ITGB8: variants seen among roughly 807,000 people sequenced by gnomAD.
ITGB8 encodes the protein integrin beta-8.
Under a neutral mutation model 89.5 loss-of-function variants are expected in ITGB8, and 30 were observed. The observed-to-expected ratio is 0.34, with a 90% CI of 0.25 to 0.45. The LOEUF is 0.45. ITGB8 is among the 20% of genes least tolerant of loss of function. ITGB8 has a pLI of 1.00. For synonymous variants in ITGB8, 335 were observed against 320.4 expected (o/e 1.05, Z -0.49); for missense variants, 836 against 933.3 (o/e 0.90, Z 1.36).
chr7:20,376,114 G>C lies in ITGB8; in HGVS notation c.389-2937G>C, dbSNP rs373472343. ...GCTCTGTTTAAAACCAATGGATATTGCCATTAAGCACGTGATGAAACTGAG... is the reference window on the plus strand; with the variant it reads ...GCTCTGTTTAAAACCAATGGATATTCCCATTAAGCACGTGATGAAACTGAG... On this transcript the variant is annotated intron_variant, in intron 3 of 13. Transcript: ENST00000222573. Among the ~76,000 whole-genome samples the C allele has an allele frequency of 6.8e-4, 104 of 152,124 alleles. 1 individual carries two copies. Among genetic ancestry groups the C allele is most frequent in the African/African-American group, 2.5e-3 (102 of 41,476 alleles).
At chr7:20,335,996 TTTTC>T (rs1473958316) in intron 1 of ITGB8, among the ~76,000 whole-genome samples, 15 of 97,332 alleles carry the variant, frequency 1.5e-4, no homozygotes, top group African/African-American at 5.3e-4. Flanking sequence ...CCAGTCTTGG[TTTTC>T]TTTTTTTTTT....
chr7:20,370,600 T>TTATTATTATTATTATTA (rs59368586), intron 3 of ITGB8, among the ~76,000 whole-genome samples: 2 of 144,406 alleles, frequency 1.4e-5, no homozygotes, highest in African/African-American at 5.1e-5. Flanking sequence ...TATTTACTTA[T>TTATTATTATTATTATTA]TTATTATTAT....
At chr7:20,361,223 T>G (rs1172744490) in intron 1 of ITGB8, among the ~76,000 whole-genome samples, 1 of 152,200 alleles carries the variant, frequency 6.6e-6, no homozygotes, top group East Asian at 1.9e-4. Context: ...AACACAAAAG[T>G]CTTACCTGTT....
At chr7:20,358,902 C>G (rs1177390949) in intron 1 of ITGB8, among the ~76,000 whole-genome samples, 1 of 152,154 alleles carries the variant, frequency 6.6e-6, no homozygotes, top group Non-Finnish European at 1.5e-5. Context: ...CTACTATTCC[C>G]ATGTTTATGT....
In ITGB8 at chr7:20,410,052, A is replaced by C. The variant is rs1787706299; in HGVS notation, c.*55A>C. 1 of 1,551,492 alleles carries C rather than the reference A, an allele frequency of 6.4e-7. No individual in the cohort carries two copies. Among genetic ancestry groups the C allele is most frequent in the Non-Finnish European group, 8.8e-7 (1 of 1,141,722 alleles). ...CTGGAATTGTTAATAATTGCTCCTA[A>C]AGATTATAATTTTAAAAGTCACAGG... is the stretch of plus-strand genomic sequence containing the variant. On this transcript the variant is annotated 3_prime_UTR_variant, in exon 14 of 14. Transcript: ENST00000222573.
At chr7:20,358,758 G>T (rs1785389732) in intron 1 of ITGB8, among the ~76,000 whole-genome samples, 1 of 152,232 alleles carries the variant, frequency 6.6e-6, no homozygotes, top group Non-Finnish European at 1.5e-5. Context: ...GTGCAGGTTT[G>T]TTACCTGGTA....
At chr7:20,370,270 A>C (rs1308711476) in intron 3 of ITGB8, among the ~76,000 whole-genome samples, 4 of 151,458 alleles carry the variant, frequency 2.6e-5, no homozygotes, top group African/African-American at 4.9e-5. Flanking sequence ...TTATAGAAAA[A>C]AATTCAGAAA....
intron 3 of ITGB8, among the ~76,000 whole-genome samples, chr7:20,376,102 C>T (rs1480927697): frequency 6.6e-6 from 1 of 152,140 alleles, no homozygotes; most frequent in Non-Finnish European, 1.5e-5. Context: ...CTGTTTAAAA[C>T]CAATGGATAT....
At chr7:20,404,439 G>C (rs1336871442) in intron 10 of ITGB8, among the ~76,000 whole-genome samples, 189 bp from the exon 11 acceptor site, 2 of 152,220 alleles carry the variant, frequency 1.3e-5, no homozygotes, top group Non-Finnish European at 2.9e-5. Flanking sequence ...ATCTACAGTA[G>C]AACAGCTTTG....
At position 20,412,584 on chromosome 7, in the gene ITGB8, T is replaced by C. The variant is rs942559694; in HGVS notation, c.*2587T>C. On this transcript the variant is annotated 3_prime_UTR_variant, in exon 14 of 14. Transcript: ENST00000222573. The stretch of plus-strand genomic sequence containing the variant: ...TCACTTGTTTGCACTAACTTTATAG[T>C]GGACCAAGGCTGTTACCATAGGAAG... The C allele has an allele frequency of 2.0e-5, 3 of 152,648 alleles. No homozygotes were observed. Among genetic ancestry groups the C allele is most frequent in the Admixed American group, 6.5e-5 (1 of 15,288 alleles). 9.5% of individuals were successfully genotyped at this position (152,648 alleles called of 1,614,324 possible).
chr7:20,390,019 G>C (rs1381566473), intron 6 of ITGB8, among the ~76,000 whole-genome samples: 1 of 152,132 alleles, frequency 6.6e-6, no homozygotes, highest in Non-Finnish European at 1.5e-5. Flanking sequence ...AGATGACAGA[G>C]AAATAAAGTG....
chr7:20,380,930 T>C (rs1002539570), intron 5 of ITGB8, 99 bp downstream of exon 5: 4 of 1,054,240 alleles, frequency 3.8e-6, no homozygotes, highest in Non-Finnish European at 5.6e-6. Context: ...GAAAACGTAG[T>C]GTAGAAGAAA....
intron 8 of ITGB8, 101 bp from the exon 9 acceptor site, chr7:20,398,758 TA>T (rs1250300221): frequency 4.0e-6 from 3 of 746,348 alleles, no homozygotes; most frequent in African/African-American, 3.7e-5. Context: ...CTCTTTGATC[TA>T]GTTAAAATTA....
intron 1 of ITGB8, among the ~76,000 whole-genome samples, chr7:20,356,789 T>C (rs1026102969): frequency 4.6e-5 from 7 of 152,174 alleles, no homozygotes; most frequent in African/African-American, 1.4e-4. Flanking sequence ...AGAAAAAAAC[T>C]AGAAATGTCT....
At chr7:20,378,968 C>A in intron 3 of ITGB8, 83 bp from the exon 4 acceptor site, 1 of 1,102,346 alleles carries the variant, frequency 9.1e-7, no homozygotes, top group Non-Finnish European at 1.3e-6. Context: ...GTGCTAGGTG[C>A]TAGAATGTGA....
chr7:20,391,637 T>G (rs1786862692), intron 7 of ITGB8, 139 bp downstream of exon 7: 1 of 485,852 alleles, frequency 2.1e-6, no homozygotes, highest in Non-Finnish European at 3.7e-6. Context: ...ATTACTAAAG[T>G]ATCCTTTACA....
chr7:20,360,820 G>A (rs952734042), intron 1 of ITGB8, among the ~76,000 whole-genome samples: 4 of 149,916 alleles, frequency 2.7e-5, no homozygotes, highest in Admixed American at 6.7e-5. Context: ...GTAAACACAG[G>A]TGTCTTTTTG....
chr7:20,378,904 T>C, intron 3 of ITGB8, 147 bp from the exon 4 acceptor site: 1 of 315,316 alleles, frequency 3.2e-6, no homozygotes, highest in Non-Finnish European at 5.6e-6. Flanking sequence ...TATACTATAA[T>C]TATTATAATT....
At chr7:20,371,999 T>C (rs1055392396) in intron 3 of ITGB8, among the ~76,000 whole-genome samples, 1 of 152,184 alleles carries the variant, frequency 6.6e-6, no homozygotes, top group Non-Finnish European at 1.5e-5. Flanking sequence ...GTTTGAACAT[T>C]TTTCCTAAGG....
Sources: gnomAD v4.1 joint callset for allele counts (sites outside exome capture counted in the v4.1 genomes callset) on GRCh38, gnomAD v4.1.1 for gene constraint, MANE v1.5 for transcripts, NCBI Gene and HGNC (gene_info 2026-07-23, HGNC 2026-07-21) for gene names.